The following GPC5 variants were observed in gnomAD, a reference collection of about 807,000 sequenced individuals.
The protein encoded by GPC5 is glypican-5.
GPC5 carries 47 observed loss-of-function variants against 53.9 expected under a neutral mutation model. The observed-to-expected ratio is 0.87, with a 90% CI of 0.69 to 1.11. The LOEUF (loss-of-function observed/expected upper bound fraction) is 1.11, where lower values mean the gene tolerates loss of function less well. GPC5 is among the 50% of genes most tolerant of loss of function. GPC5 has a pLI of 0.00. For missense variants in GPC5, 748 were observed against 713.1 expected, an observed-to-expected ratio of 1.05 and a Z score of -0.56; for synonymous variants, 286 against 263.3, an observed-to-expected ratio of 1.09 and a Z score of -0.84.
At position 92,639,084 on chromosome 13, in the gene GPC5, C is replaced by T. The variant is rs536165060; in HGVS notation, c.1562-227198C>T. Reference sequence around the variant, plus strand: ...TAGCTCACTGTCTTTTACATAATATCCTTTAGTAAGTTCAGTAAACATTTT... The same window carrying T: ...TAGCTCACTGTCTTTTACATAATATTCTTTAGTAAGTTCAGTAAACATTTT... On this transcript the variant is annotated intron_variant, in intron 7 of 7. Coordinates refer to ENST00000377067, the MANE Select transcript of GPC5 (RefSeq NM_004466.6). Among the ~76,000 whole-genome samples, 13 of 152,176 alleles carry T rather than the reference C, an allele frequency of 8.5e-5. 3 individuals carry two copies. The highest frequency in any genetic ancestry group is 3.1e-4 in the African/African-American group (13 of 41,530).
intron 6 of GPC5, among the ~76,000 whole-genome samples, chr13:92,098,953 C>T (rs1302113897): frequency 2.4e-5 from 3 of 125,510 alleles, no homozygotes; most frequent in African/African-American, 8.4e-5. Context: ...AGACTTTGTT[C>T]TTGCCTTTTT....
At chr13:91,544,556 A>G (rs2030163964) in intron 2 of GPC5, among the ~76,000 whole-genome samples, 2 of 152,208 alleles carry the variant, frequency 1.3e-5, no homozygotes, top group South Asian at 4.1e-4. Flanking sequence ...ATGTTTCACT[A>G]AATTGTTGTT....
intron 7 of GPC5, among the ~76,000 whole-genome samples, chr13:92,312,566 A>C (rs2043152191): frequency 6.6e-6 from 1 of 152,178 alleles, no homozygotes; most frequent in East Asian, 1.9e-4. Context: ...GTGACTGCTT[A>C]ATATTTTACA....
chr13:91,692,699 A>C (rs931805640), intron 2 of GPC5, among the ~76,000 whole-genome samples: 11 of 152,318 alleles, frequency 7.2e-5, no homozygotes, highest in Non-Finnish European at 1.6e-4. Flanking sequence ...GCTGGAGTGC[A>C]ATGGTGCAAT....
intron 7 of GPC5, among the ~76,000 whole-genome samples, chr13:92,855,856 T>C (rs1404873105): frequency 2.0e-5 from 3 of 151,906 alleles, no homozygotes; most frequent in African/African-American, 7.2e-5. Context: ...AAATCCGTAA[T>C]AAATTTTTAA....
intron 6 of GPC5, among the ~76,000 whole-genome samples, chr13:92,068,367 A>C (rs986926857): frequency 3.3e-5 from 5 of 151,816 alleles, no homozygotes; most frequent in Admixed American, 1.3e-4. Context: ...TTATGTGCTC[A>C]TATTGTAACC....
chr13:92,448,869 G>A, intron 7 of GPC5: 2 of 50,006 alleles, frequency 4.0e-5, no homozygotes, highest in Non-Finnish European at 4.4e-5. Context: ...TGGTATAAGA[G>A]AAATTCTTCA....
intron 6 of GPC5, among the ~76,000 whole-genome samples, chr13:91,915,013 C>T (rs1834028775): frequency 6.6e-6 from 1 of 152,132 alleles, no homozygotes; most frequent in Admixed American, 6.6e-5. Context: ...GAACTTATTT[C>T]ACTTGTATAG....
chr13:91,533,586 A>G lies in GPC5; in HGVS notation c.325+84664A>G, dbSNP rs537711880. ...AGCACTGAAATGCTACACAAGATAGATAATGAATAGCAGTGAAAATGCTAC... is the reference window on the plus strand; with the variant it reads ...AGCACTGAAATGCTACACAAGATAGGTAATGAATAGCAGTGAAAATGCTAC... On this transcript the variant is annotated intron_variant, in intron 2 of 7. Coordinates refer to ENST00000377067, the MANE Select transcript of GPC5 (RefSeq NM_004466.6). 2.0e-5 allele frequency among the ~76,000 whole-genome samples: 3 copies of G among 152,344 alleles called. No homozygotes were observed. The East Asian group carries it at 5.8e-4, about 29-fold the overall frequency.
intron 5 of GPC5, among the ~76,000 whole-genome samples, chr13:91,877,335 C>A (rs1404695859): frequency 1.3e-5 from 2 of 152,060 alleles, no homozygotes; most frequent in African/African-American, 4.8e-5. Flanking sequence ...ATATTCAATG[C>A]CAGTCTGTGA....
chr13:91,883,669 C>T (rs2039291359), intron 5 of GPC5, among the ~76,000 whole-genome samples: 1 of 152,120 alleles, frequency 6.6e-6, no homozygotes, highest in African/African-American at 2.4e-5. Context: ...TAGATGATGG[C>T]AGAGAAATAA....
chr13:91,492,012 A>C (rs1883966390), intron 2 of GPC5, among the ~76,000 whole-genome samples: 1 of 152,160 alleles, frequency 6.6e-6, no homozygotes, highest in African/African-American at 2.4e-5. Context: ...CTTAGCAATT[A>C]GTTTTTTTCT....
At chr13:92,433,917 C>T (rs1186038557) in intron 7 of GPC5, among the ~76,000 whole-genome samples, 5 of 151,980 alleles carry the variant, frequency 3.3e-5, no homozygotes, top group Non-Finnish European at 7.4e-5. Flanking sequence ...GTCAAGCATA[C>T]ATTTGAAGAG....
chr13:91,872,331 C>T (rs1316194293), intron 5 of GPC5, among the ~76,000 whole-genome samples: 6 of 152,202 alleles, frequency 3.9e-5, no homozygotes, highest in African/African-American at 1.2e-4. Flanking sequence ...AGGGTTATCA[C>T]TCAAGTTCAA....
Position 91,697,962 on chromosome 13 carries a change from C to T in GPC5, c.1020+4081C>T, listed in dbSNP as rs1012189161. Among the ~76,000 whole-genome samples, 6 of 149,700 alleles carry T rather than the reference C, an allele frequency of 4.0e-5. No individual in the cohort carries two copies. In the East Asian group the frequency reaches 5.9e-4, roughly 15 times the overall value. On this transcript the variant is annotated intron_variant, in intron 3 of 7. Transcript: ENST00000377067. ...TGTCACCCAGGCTGTAGTGCAATGGCGCGATCTTGGCTCACTGCATCCTCC... is the reference window on the plus strand; with the variant it reads ...TGTCACCCAGGCTGTAGTGCAATGGTGCGATCTTGGCTCACTGCATCCTCC...
chr13:92,251,153 A>G (rs956715757), intron 7 of GPC5, among the ~76,000 whole-genome samples: 1 of 152,150 alleles, frequency 6.6e-6, no homozygotes, highest in Non-Finnish European at 1.5e-5. Flanking sequence ...AGGGAAGTGA[A>G]GCTGGGGAAG....
chr13:92,109,569 A>C (rs1313105600), intron 6 of GPC5, among the ~76,000 whole-genome samples: 2 of 152,206 alleles, frequency 1.3e-5, no homozygotes, highest in East Asian at 3.8e-4. Context: ...ATTCAACAAA[A>C]TACCAGACTT....
intron 6 of GPC5, among the ~76,000 whole-genome samples, chr13:92,123,943 C>G (rs2041672101): frequency 6.6e-6 from 1 of 151,990 alleles, no homozygotes; most frequent in South Asian, 2.1e-4. Context: ...AGATGAATAG[C>G]ATTGAGTTTG....
chr13:92,068,735 T>A (rs1282962155), intron 6 of GPC5, among the ~76,000 whole-genome samples: 2 of 150,782 alleles, frequency 1.3e-5, no homozygotes, highest in Non-Finnish European at 3.0e-5. Flanking sequence ...ATTACAATAA[T>A]TGATTTTGTG....
Sources: allele counts gnomAD v4.1 joint callset (sites outside exome capture counted in the v4.1 genomes callset), GRCh38; gene constraint gnomAD v4.1.1; transcripts MANE v1.5; gene names NCBI Gene and HGNC (gene_info 2026-07-23, HGNC 2026-07-21).